Variants in EIF2AK3 observed in about 807,000 individuals in gnomAD.
EIF2AK3 encodes the protein eukaryotic translation initiation factor 2-alpha kinase 3.
In EIF2AK3, 50 loss-of-function variants were observed where a neutral mutation model predicts 113.5. That is an observed-to-expected ratio of 0.44 (90% CI 0.35 to 0.56). The LOEUF is 0.56. Ranked by LOEUF, EIF2AK3 falls within the 20% of genes least tolerant of loss-of-function variation. EIF2AK3 has a pLI of 0.00. For synonymous variants in EIF2AK3, 448 were observed against 495.4 expected (o/e 0.90, Z 1.27); for missense variants, 1,185 against 1,378.0 (o/e 0.86, Z 2.22).
chr2:88,575,463 T>C lies in EIF2AK3; in HGVS notation c.2037-17A>G, dbSNP rs774507165. 6.9e-6 allele frequency: 11 copies of C among 1,602,012 alleles called. No homozygotes were observed. Among genetic ancestry groups the C allele is most frequent in the Non-Finnish European group, 1.7e-6 (2 of 1,179,730 alleles). ...CAGTCTGTGCTAAAAGTGGGAGAAA[T>C]ACAAAGGGGTAAGAGTGAATATATA... On this transcript the variant is annotated splice_polypyrimidine_tract_variant and intron_variant, in intron 12 of 16. Transcript: ENST00000303236.
Position 88,579,531 on chromosome 2 carries a change from G to A in EIF2AK3, c.1873C>T (p.Arg625Cys), listed in dbSNP as rs770192517. ...ACCACCCATTACCTATTGGGGAGAC[G>A]GATCCTCTTGATAGCATAATTGCAG... ...DDCNYAIKRI[R>C]LPNRELAREK... The change falls in exon 11 of 17, where the codon CGT becomes TGT. Residue 625 changes from arginine to cysteine, a missense_variant. Coordinates refer to ENST00000303236, the MANE Select transcript of EIF2AK3 (RefSeq NM_004836.7). The A allele has an allele frequency of 1.3e-5, 21 of 1,613,542 alleles. No individual in the cohort carries two copies. The highest frequency in any genetic ancestry group is 8.8e-5 in the South Asian group (8 of 91,068).
At position 88,557,825 on chromosome 2, in the gene EIF2AK3, GCA is replaced by G; in HGVS notation, c.3260_3261del (p.Val1087AlafsTer24). 1 of 1,614,102 alleles carries G rather than the reference GCA, an allele frequency of 6.2e-7. No individual in the cohort carries two copies. The highest frequency in any genetic ancestry group is 8.5e-7 in the Non-Finnish European group (1 of 1,180,008). Reference sequence around the variant, plus strand: ...CTCAAGGAGCGAGACCTCTGTCTGAGCACTGTTTTTCCTGGAAAGTCCAAGTC... The same window carrying G: ...CTCAAGGAGCGAGACCTCTGTCTGAGCTGTTTTTCCTGGAAAGTCCAAGTC... ...FEDLDFPGKT[V>X]LRQRSRSLSS... On this transcript the variant is annotated frameshift_variant, in exon 17 of 17. Transcript: ENST00000303236. LOFTEE classifies it high-confidence loss of function.
chr2:88,562,205 G>T, intron 15 of EIF2AK3, 84 bp downstream of exon 15: 1 of 1,084,000 alleles, frequency 9.2e-7, no homozygotes, highest in Non-Finnish European at 1.4e-6. Context: ...GTATTAAGAA[G>T]AACTAAGTCT....
chr2:88,606,583 G>A (rs753466995), intron 2 of EIF2AK3, among the ~76,000 whole-genome samples: 10 of 152,146 alleles, frequency 6.6e-5, no homozygotes, highest in South Asian at 2.1e-4. Flanking sequence ...GCTAGTTTGC[G>A]TGCAAATGAA....
At chr2:88,627,618 GTC>G (rs1558669291), upstream of EIF2AK3, 2 of 259,110 alleles carry the variant, frequency 7.7e-6, no homozygotes. Context: ...TCGTAATTTC[GTC>G]GTTCGAGGCC....
intron 12 of EIF2AK3, 148 bp from the exon 13 acceptor site, chr2:88,575,594 C>G: frequency 4.8e-6 from 4 of 826,268 alleles, no homozygotes; most frequent in Non-Finnish European, 8.0e-6. Flanking sequence ...TAAAAACATG[C>G]AATGTGAGAT....
At chr2:88,609,693 A>G (rs1378157096) in intron 2 of EIF2AK3, among the ~76,000 whole-genome samples, 1 of 152,208 alleles carries the variant, frequency 6.6e-6, no homozygotes, top group African/African-American at 2.4e-5. Flanking sequence ...ATTTTACTCA[A>G]AAGTCAACTG....
At chr2:88,590,664 C>A in intron 5 of EIF2AK3, 59 bp from the exon 6 acceptor site, 1 of 1,586,914 alleles carries the variant, frequency 6.3e-7, no homozygotes, top group Non-Finnish European at 8.6e-7. Flanking sequence ...ATAGTTCCAA[C>A]CCATAAAATA....
In EIF2AK3 at chr2:88,586,643, C is replaced by A. The variant is rs1674739164; in HGVS notation, c.1430-582G>T. Reference sequence around the variant, plus strand: ...ACAGGGTCTTGCTCTGTTGCCCAGGCTGGAGTGCAGTGATCTTGCCTCACT... The same window carrying A: ...ACAGGGTCTTGCTCTGTTGCCCAGGATGGAGTGCAGTGATCTTGCCTCACT... On this transcript the variant is annotated intron_variant, in intron 8 of 16. Coordinates refer to ENST00000303236, the MANE Select transcript of EIF2AK3 (RefSeq NM_004836.7). Among the ~76,000 whole-genome samples the A allele has an allele frequency of 2.1e-5, 3 of 145,902 alleles. No individual in the cohort carries two copies. In the Admixed American group the frequency reaches 2.1e-4, roughly 10 times the overall value.
chr2:88,608,372 A>C (rs561558461), intron 2 of EIF2AK3, among the ~76,000 whole-genome samples: 1 of 152,072 alleles, frequency 6.6e-6, no homozygotes, highest in Non-Finnish European at 1.5e-5. Context: ...CAACTTTCAT[A>C]CCATTCTTGA....
chr2:88,598,651 A>C (rs1675074661), intron 2 of EIF2AK3, among the ~76,000 whole-genome samples: 1 of 152,214 alleles, frequency 6.6e-6, no homozygotes, highest in Admixed American at 6.5e-5. Flanking sequence ...AAAGAGGCTA[A>C]TGTGACAAAT....
chr2:88,606,428 A>C (rs1186564064), intron 2 of EIF2AK3, among the ~76,000 whole-genome samples: 1 of 152,248 alleles, frequency 6.6e-6, no homozygotes, highest in Non-Finnish European at 1.5e-5. Flanking sequence ...TTAATATAAC[A>C]AAATTAAATT....
chr2:88,588,861 T>A lies in EIF2AK3; in HGVS notation c.1206A>T (p.Arg402Ser). 1.2e-6 allele frequency: 2 copies of A among 1,613,854 alleles called. No homozygotes were observed. The highest frequency in any genetic ancestry group is 2.2e-5 in the South Asian group (2 of 91,078). The change falls in exon 7 of 17, where the codon AGA (arginine) becomes AGT (serine). Residue 402 changes from arginine (R) to serine (S), a missense_variant. Arg to Ser is a moderately radical substitution (Grantham distance 110). Transcript: ENST00000303236. ...RGQLYLQSSVRISEKFPSSPK... is the reference protein window; with the variant it reads ...RGQLYLQSSVSISEKFPSSPK... ...GACTTGAAGGAAACTTTTCTGAAAT[T>A]CTGACTGATGACTGCAGATACAGCT...
Position 88,562,184 on chromosome 2 carries a change from C to G in EIF2AK3, c.3087+105G>C, listed in dbSNP as rs1434361047. 6 of 862,964 alleles carry G rather than the reference C, an allele frequency of 7.0e-6. No individual in the cohort carries two copies. In the East Asian group the frequency reaches 1.6e-4, roughly 22 times the overall value. The allele number at this position is 862,964 out of a possible 1,614,324, so 53.5% of individuals were successfully genotyped here. A position where few individuals can be genotyped will look rare whatever the true frequency, so the allele number is the denominator to read the frequency against. The stretch of plus-strand genomic sequence containing the variant: ...CATCACCTCTTTCACTTTTAGTTAA[C>G]CAATCTGCTGGTATTAAGAAGAACT... On this transcript the variant is annotated intron_variant, in intron 15 of 16. Coordinates refer to ENST00000303236, the MANE Select transcript of EIF2AK3 (RefSeq NM_004836.7).
intron 11 of EIF2AK3, 117 bp from the exon 12 acceptor site, chr2:88,576,820 G>A: frequency 6.1e-6 from 7 of 1,145,474 alleles, no homozygotes; most frequent in African/African-American, 1.6e-5. Flanking sequence ...CAATAAAAAA[G>A]GAAAATTAAA....
rs562309842 is a variant in EIF2AK3 at position 88,563,750 on chromosome 2, A to G, written c.2986-1360T>C. ...ATGCAGCTGGAAATCTTTTCTAAGAATATTTAATAATATGGGAAATACTTA... is the reference window on the plus strand; with the variant it reads ...ATGCAGCTGGAAATCTTTTCTAAGAGTATTTAATAATATGGGAAATACTTA... On this transcript the variant is annotated intron_variant, in intron 14 of 16. Coordinates refer to ENST00000303236, the MANE Select transcript of EIF2AK3 (RefSeq NM_004836.7). 5.9e-5 allele frequency among the ~76,000 whole-genome samples: 9 copies of G among 152,344 alleles called. No homozygotes were observed. In the South Asian group the frequency reaches 8.3e-4, roughly 14 times the overall value.
chr2:88,576,556 T>C lies in EIF2AK3; in HGVS notation c.2034A>G (p.Glu678=), dbSNP rs988120049. ...EKMDEIWLKD[E]STDWPLSSPS... is the part of the protein sequence containing the mutation. Reference sequence around the variant, plus strand: ...GTATGTGTAACAAAGTTAGTTACCTTTCATCTTTCAGCCAAATTTCATCCA... The same window carrying C: ...GTATGTGTAACAAAGTTAGTTACCTCTCATCTTTCAGCCAAATTTCATCCA... The change falls in exon 12 of 17, where the codon GAA becomes GAG. Residue 678 remains glutamate, a splice_region_variant and synonymous_variant. Transcript: ENST00000303236. The C allele has an allele frequency of 2.5e-6, 4 of 1,614,012 alleles. No individual in the cohort carries two copies. The African/African-American group carries it at 5.3e-5, about 22-fold the overall frequency.
Position 88,626,967 on chromosome 2 carries a change from C to G in EIF2AK3, c.308G>C (p.Arg103Thr). Residue 103 changes from arginine (R) to threonine (T), a missense_variant and splice_region_variant, in exon 1 of 17, where the codon AGG (arginine) becomes ACG (threonine). Physicochemically the swap from Arg to Thr is moderately conservative, Grantham distance 71. Around this residue, in one of 3 missense-constraint regions of EIF2AK3, gnomAD observed 189 missense variants for 175.2 expected, o/e 1.08. Transcript: ENST00000303236. Reference protein sequence around the residue: ...DDETELRPRGRSLVIISTLDG... With the variant: ...DDETELRPRGTSLVIISTLDG... ...CTCCCCCGGGTCGGCAGCCCCTCAC[C>G]TGCCGCGCGGTCGCAACTCTGTCTC... 1.2e-6 allele frequency: 2 copies of G among 1,608,254 alleles called. No individual in the cohort carries two copies. The highest frequency in any genetic ancestry group is 2.2e-5 in the East Asian group (1 of 44,656).
intron 14 of EIF2AK3, among the ~76,000 whole-genome samples, chr2:88,569,889 T>C (rs1674246042): frequency 6.6e-6 from 1 of 152,216 alleles, no homozygotes; most frequent in African/African-American, 2.4e-5. Flanking sequence ...GAGGCCAGAT[T>C]TCCTCATGTA....
Sources: gnomAD v4.1 joint callset for allele counts (sites outside exome capture counted in the v4.1 genomes callset) on GRCh38, gnomAD v4.1.1 for gene constraint, gnomAD v4.1.1 regional missense constraint, MANE v1.5 for transcripts, NCBI Gene and HGNC (gene_info 2026-07-23, HGNC 2026-07-21) for gene names.